VWA5B1: variants seen among roughly 807,000 people sequenced by gnomAD.
The protein encoded by VWA5B1 is von Willebrand factor A domain-containing protein 5B1.
In VWA5B1, 115 loss-of-function variants were observed where a neutral mutation model predicts 118.2. The ratio of observed to expected loss-of-function variants is 0.97; its 90% CI spans 0.84 to 1.14. The LOEUF (loss-of-function observed/expected upper bound fraction) is 1.14. VWA5B1 is among the 50% of genes most tolerant of loss of function. The pLI is 0.00. For synonymous variants in VWA5B1, 682 were observed against 658.4 expected (o/e 1.04, Z -0.55); for missense variants, 1,596 against 1,603.8 (o/e 1.00, Z 0.08).
chr1:20,355,826 ACAAGTCTCCCG>A lies in VWA5B1; in HGVS notation c.*1565_*1575del, dbSNP rs2090220453. Among the ~76,000 whole-genome samples, 1 of 84,270 alleles carries A rather than the reference ACAAGTCTCCCG, an allele frequency of 1.2e-5. No homozygotes were observed. Among genetic ancestry groups the A allele is most frequent in the African/African-American group, 4.7e-5 (1 of 21,402 alleles). 55.3% of individuals were successfully genotyped at this position (84,270 alleles called of 152,430 possible). A position where few individuals can be genotyped will look rare whatever the true frequency, so the allele number is the denominator to read the frequency against. On this transcript the variant is annotated 3_prime_UTR_variant, in exon 22 of 22. Coordinates refer to ENST00000289815, the MANE Select transcript of VWA5B1 (RefSeq NM_001039500.3). ...CCACCCCCACCCCTCCATCTATGCC[ACAAGTCTCCCG>A]CGAGGGATTCTCACAGCCCTTTTGA...
rs1441313563 is a variant in VWA5B1 at position 20,358,629 on chromosome 1, G to A, written c.*4366G>A. 6.6e-6 allele frequency among the ~76,000 whole-genome samples: 1 copy of A among 152,156 alleles called. No individual in the cohort carries two copies. The highest frequency in any genetic ancestry group is 1.5e-5 in the Non-Finnish European group (1 of 68,034). On this transcript the variant is annotated 3_prime_UTR_variant, in exon 22 of 22. Coordinates refer to ENST00000289815, the MANE Select transcript of VWA5B1 (RefSeq NM_001039500.3). ...TTATAACATCTCTAAGTGGTCTCTA[G>A]AATCAAATGCACTCCATACTTTTAG...
intron 3 of VWA5B1, 34 bp from the exon 4 acceptor site, chr1:20,314,284 AATCT>A (rs2088934566): frequency 1.3e-6 from 2 of 1,541,908 alleles, no homozygotes; most frequent in African/African-American, 2.7e-5. Flanking sequence ...GATCAGAGAT[AATCT>A]ATGTACAGCC....
chr1:20,354,322 C>T lies in VWA5B1; in HGVS notation c.*59C>T. The T allele has an allele frequency of 4.1e-6, 6 of 1,479,860 alleles. No individual in the cohort carries two copies. Among genetic ancestry groups the T allele is most frequent in the South Asian group, 2.7e-5 (2 of 72,840 alleles). The allele number at this position is 1,479,860 out of a possible 1,614,324, so 91.7% of individuals were successfully genotyped here. A position where few individuals can be genotyped will look rare whatever the true frequency, so the allele number is the denominator to read the frequency against. ...TGGGGAGGAGAGGGATGGGCAGGGC[C>T]ATGTCGGCCTGGTTTCGGGGAGCTT... On this transcript the variant is annotated 3_prime_UTR_variant, in exon 22 of 22. Coordinates refer to ENST00000289815, the MANE Select transcript of VWA5B1 (RefSeq NM_001039500.3).
At position 20,351,953 on chromosome 1, in the gene VWA5B1, A is replaced by AG; in HGVS notation, c.3024-99dup. On this transcript the variant is annotated intron_variant, in intron 20 of 21. Coordinates refer to ENST00000289815, the MANE Select transcript of VWA5B1 (RefSeq NM_001039500.3). Reference sequence around the variant, plus strand: ...CTTAGCTATCAGATAAGGAGGCTGGAGGGAGCCATCTATTGCATTCCTTCT... The same window carrying AG: ...CTTAGCTATCAGATAAGGAGGCTGGAGGGGAGCCATCTATTGCATTCCTTCT... 11 of 804,620 alleles carry AG rather than the reference A, an allele frequency of 1.4e-5. No homozygotes were observed. The South Asian group carries it at 2.1e-4, about 15-fold the overall frequency. 49.8% of individuals were successfully genotyped at this position (804,620 alleles called of 1,614,324 possible). A position where few individuals can be genotyped will look rare whatever the true frequency, so the allele number is the denominator to read the frequency against.
In VWA5B1 at chr1:20,356,812, G is replaced by T. The variant is rs901698836; in HGVS notation, c.*2549G>T. 1.2e-4 allele frequency among the ~76,000 whole-genome samples: 18 copies of T among 152,210 alleles called. No homozygotes were observed. Among genetic ancestry groups the T allele is most frequent in the Non-Finnish European group, 2.1e-4 (14 of 68,034 alleles). On this transcript the variant is annotated 3_prime_UTR_variant, in exon 22 of 22. Transcript: ENST00000289815. ...AAATAACCCAAGAGCTATGGGGGCA[G>T]GTCTGGACAAGAGACATTTTTAAAG... is the stretch of plus-strand genomic sequence containing the variant.
At chr1:20,322,934 T>C (rs886251705) in intron 7 of VWA5B1, among the ~76,000 whole-genome samples, 3 of 152,180 alleles carry the variant, frequency 2.0e-5, no homozygotes, top group Admixed American at 1.3e-4. Flanking sequence ...ACAGCCAACA[T>C]GAGCCAGAGA....
intron 1 of VWA5B1, among the ~76,000 whole-genome samples, chr1:20,298,467 G>T (rs1381160715): frequency 6.6e-6 from 1 of 152,014 alleles, no homozygotes; most frequent in Non-Finnish European, 1.5e-5. Flanking sequence ...GTCTGGCCTT[G>T]ATTAGCTTTA....
Position 20,317,580 on chromosome 1 carries a change from T to G in VWA5B1, c.614T>G (p.Leu205Trp). 1 of 1,551,812 alleles carries G rather than the reference T, an allele frequency of 6.4e-7. No homozygotes were observed. The highest frequency in any genetic ancestry group is 8.7e-7 in the Non-Finnish European group (1 of 1,147,014). Residue 205 changes from leucine (L) to tryptophan (W), a missense_variant, in exon 5 of 22, where the codon TTG becomes TGG. Transcript: ENST00000289815. Reference sequence around the variant, plus strand: ...TGGGCCCCGGGCTCCTGGAATAAGTTGTGCCTGGCGACTCTCCTGAACACC... The same window carrying G: ...TGGGCCCCGGGCTCCTGGAATAAGTGGTGCCTGGCGACTCTCCTGAACACC... ...GAWAPGSWNK[L>W]CLATLLNTEV...
Position 20,348,272 on chromosome 1 carries a change from G to C in VWA5B1, c.2792G>C (p.Arg931Pro), listed in dbSNP as rs1227520189. ...GCTGCCCTGCGTATGCTTGGCTCTC[G>C]GGCCCTGGCCCAACAGTGGAGGGGC... ...SGAALRMLGS[R>P]ALAQQWRGTS... Residue 931 changes from arginine to proline, a missense_variant, in exon 18 of 22, where the codon CGG (arginine) becomes CCG (proline). Arg to Pro is a moderately radical substitution (Grantham distance 103, BLOSUM62 -2). Transcript: ENST00000289815. 1 of 1,551,516 alleles carries C rather than the reference G, an allele frequency of 6.4e-7. No individual in the cohort carries two copies. Among genetic ancestry groups the C allele is most frequent in the Non-Finnish European group, 8.7e-7 (1 of 1,147,008 alleles).
rs148204341 is a variant in VWA5B1 at position 20,312,551 on chromosome 1, C to G, written c.140-285C>G. 7.9e-5 allele frequency among the ~76,000 whole-genome samples: 12 copies of G among 152,300 alleles called. No homozygotes were observed. In the East Asian group the frequency reaches 2.3e-3, roughly 30 times the overall value. The stretch of plus-strand genomic sequence containing the variant: ...ACAGATGTGCTATATGAGGCCCACA[C>G]AAGTCCCATAGAAACCCATGTTTTC... On this transcript the variant is annotated intron_variant, in intron 2 of 21. Transcript: ENST00000289815.
intron 1 of VWA5B1, among the ~76,000 whole-genome samples, chr1:20,291,559 C>T (rs376726012): frequency 1.1e-3 from 173 of 151,990 alleles, no homozygotes; most frequent in African/African-American, 4.1e-3. Context: ...CTCAACCTTC[C>T]GTCCCTGCCA....
At position 20,346,917 on chromosome 1, in the gene VWA5B1, A is replaced by G. The variant is rs1291067090; in HGVS notation, c.2764+1324A>G. ...GGTACCAAAGTGATCAACCCTTCTC[A>G]ACTGTTGTCATTTCAGGCAATGGAG... On this transcript the variant is annotated intron_variant, in intron 17 of 21. Coordinates refer to ENST00000289815, the MANE Select transcript of VWA5B1 (RefSeq NM_001039500.3). 2.0e-5 allele frequency among the ~76,000 whole-genome samples: 3 copies of G among 152,266 alleles called. No homozygotes were observed. In the East Asian group the frequency reaches 5.8e-4, roughly 29 times the overall value.
At position 20,345,616 on chromosome 1, in the gene VWA5B1, G is replaced by A. The variant is rs1296275471; in HGVS notation, c.2764+23G>A. 1.3e-5 allele frequency: 20 copies of A among 1,525,914 alleles called. No individual in the cohort carries two copies. In the Admixed American group the frequency reaches 3.7e-4, roughly 28 times the overall value. 94.5% of individuals were successfully genotyped at this position (1,525,914 alleles called of 1,614,324 possible). ...CTGGTAAGGCAGGCGAGCGGCCGGG[G>A]GCACTCCTGGGGGCCAAGCAGCCCC... On this transcript the variant is annotated intron_variant, in intron 17 of 21. Coordinates refer to ENST00000289815, the MANE Select transcript of VWA5B1 (RefSeq NM_001039500.3).
At chr1:20,319,359 G>A in intron 6 of VWA5B1, 23 bp from the exon 7 acceptor site, 1 of 1,550,332 alleles carries the variant, frequency 6.5e-7, no homozygotes, top group South Asian at 1.2e-5. Context: ...GCCAAGTGCT[G>A]AAAGTCGATC....
chr1:20,335,665 C>T (rs779610256), intron 12 of VWA5B1, among the ~76,000 whole-genome samples: 37 of 151,994 alleles, frequency 2.4e-4, no homozygotes, highest in African/African-American at 1.7e-4. Context: ...CAATAAAGTA[C>T]GCTAGAGAAA....
intron 7 of VWA5B1, among the ~76,000 whole-genome samples, chr1:20,321,259 G>A (rs1019258535): frequency 2.0e-5 from 3 of 152,046 alleles, no homozygotes; most frequent in Admixed American, 6.6e-5. Flanking sequence ...CATCTTCATG[G>A]AGCTTATATT....
At chr1:20,350,134 C>T (rs1388175511) in intron 18 of VWA5B1, 22 bp from the exon 19 acceptor site, 1 of 1,550,340 alleles carries the variant, frequency 6.5e-7, no homozygotes. Context: ...GAGGTCCAGC[C>T]TCACTGGCTC....
At chr1:20,313,405 G>C (rs183474157) in intron 3 of VWA5B1, among the ~76,000 whole-genome samples, 44 of 152,286 alleles carry the variant, frequency 2.9e-4, no homozygotes, top group African/African-American at 9.9e-4. Context: ...CTGTAAAATG[G>C]AATAAATAGC....
rs757185107 is a variant in VWA5B1, at chr1:20,342,492, C to T, written c.2194C>T (p.Arg732Ter). Residue 732 changes from arginine to a stop codon, truncating the protein, a stop_gained, in exon 15 of 22, where the codon CGA becomes TGA. Coordinates refer to ENST00000289815, the MANE Select transcript of VWA5B1 (RefSeq NM_001039500.3). LOFTEE classifies it high-confidence loss of function. ...QGPKLRGPGA[R>*]RPSLLPQGCQ... ...CCCCAAACTCCGTGGCCCAGGGGCC[C>T]GAAGGCCCTCTCTGCTGCCCCAAGG... 9.7e-6 allele frequency: 15 copies of T among 1,551,154 alleles called. No homozygotes were observed. The Admixed American group carries it at 9.8e-5, about 10-fold the overall frequency.
Sources: allele counts gnomAD v4.1 joint callset (sites outside exome capture counted in the v4.1 genomes callset), GRCh38; gene constraint gnomAD v4.1.1; transcripts MANE v1.5; gene names NCBI Gene and HGNC (gene_info 2026-07-23, HGNC 2026-07-21).